The following LAMB3 variants were observed in gnomAD, a reference collection of about 807,000 sequenced individuals.
The protein encoded by LAMB3 is laminin subunit beta 3.
LAMB3 carries 104 observed loss-of-function variants against 140.3 expected under a neutral mutation model. That is an observed-to-expected ratio of 0.74 (90% CI 0.63 to 0.87). The LOEUF (loss-of-function observed/expected upper bound fraction) is 0.87, where lower values mean the gene tolerates loss of function less well. LAMB3 is among the 40% of genes least tolerant of loss of function. LAMB3 has a pLI of 0.00. For synonymous variants in LAMB3, 592 were observed against 602.9 expected, an observed-to-expected ratio of 0.98 and a Z score of 0.26; for missense variants, 1,531 against 1,575.2, an observed-to-expected ratio of 0.97 and a Z score of 0.47.
intron 3 of LAMB3, among the ~76,000 whole-genome samples, chr1:209,647,054 A>G (rs1281282918): frequency 6.6e-6 from 1 of 152,260 alleles, no homozygotes; most frequent in African/African-American, 2.4e-5. Flanking sequence ...GCCTTGTCCC[A>G]ACCACAGACA....
chr1:209,618,054 T>C lies in LAMB3; in HGVS notation c.2910-6A>G. The C allele has an allele frequency of 6.2e-7, 1 of 1,613,938 alleles. No homozygotes were observed. The highest frequency in any genetic ancestry group is 8.5e-7 in the Non-Finnish European group (1 of 1,179,992). On this transcript the variant is annotated splice_polypyrimidine_tract_variant and splice_region_variant and intron_variant, in intron 19 of 22. Coordinates refer to ENST00000356082, the MANE Select transcript of LAMB3 (RefSeq NM_000228.3). ...CCACTGCATGGGCTCGGCTCCTGGG[T>C]GAGAGAAGCAGCAGGGAGAGGAGAG...
intron 14 of LAMB3, among the ~76,000 whole-genome samples, chr1:209,625,314 C>A (rs770500378): frequency 6.6e-6 from 1 of 152,148 alleles, no homozygotes. Flanking sequence ...GGATGCCCTC[C>A]GCCAGGGTGA....
At chr1:209,633,612 C>T (rs1427026714) in intron 6 of LAMB3, among the ~76,000 whole-genome samples, 2 of 151,786 alleles carry the variant, frequency 1.3e-5, no homozygotes, top group Non-Finnish European at 2.9e-5. Flanking sequence ...AGAGTTTTCA[C>T]ATCAGCCCTC....
intron 18 of LAMB3, 144 bp from the exon 19 acceptor site, chr1:209,618,803 A>G: frequency 1.3e-6 from 1 of 752,434 alleles, no homozygotes; most frequent in Admixed American, 2.0e-5. Flanking sequence ...CCCCCTTTCA[A>G]CCAGACTCAG....
chr1:209,631,438 C>T (rs746943434), intron 8 of LAMB3, among the ~76,000 whole-genome samples: 4 of 152,218 alleles, frequency 2.6e-5, no homozygotes, highest in Non-Finnish European at 4.4e-5. Context: ...ATCCTGCCAG[C>T]TAGGCTCCAG....
At position 209,626,992 on chromosome 1, in the gene LAMB3, G is replaced by C. The variant is rs762285889; in HGVS notation, c.1486-14C>G. ...CTGCCCTGTGAACTGCGTGGGGAGA[G>C]CACCGTCAGTGGACCCTGCCTCACA... On this transcript the variant is annotated splice_polypyrimidine_tract_variant and intron_variant, in intron 12 of 22. Coordinates refer to ENST00000356082, the MANE Select transcript of LAMB3 (RefSeq NM_000228.3). The C allele has an allele frequency of 6.3e-7, 1 of 1,578,956 alleles. No individual in the cohort carries two copies.
chr1:209,634,314 G>A (rs1319662603), intron 6 of LAMB3, 133 bp downstream of exon 6: 2 of 886,180 alleles, frequency 2.3e-6, no homozygotes, highest in Non-Finnish European at 3.8e-6. Flanking sequence ...TTACTGGTGG[G>A]AATTCAGGAA....
rs1390138089 is a variant in LAMB3, at chr1:209,628,178, T to C, written c.1145A>G (p.Asp382Gly). The C allele has an allele frequency of 6.4e-7, 1 of 1,559,832 alleles. No homozygotes were observed. Among genetic ancestry groups the C allele is most frequent in the Non-Finnish European group, 8.7e-7 (1 of 1,151,468 alleles). ...AGCCCCTGGCACTGCCCCATCCGGA[T>C]CACACTCGCAGGCTGAGAGACAACA... ...IQETCISCEC[D>G]PDGAVPGAPC... Residue 382 changes from aspartate to glycine, a missense_variant, in exon 11 of 23, where the codon GAT becomes GGT. Asp to Gly is a moderately conservative substitution (Grantham distance 94, BLOSUM62 -1). Transcript: ENST00000356082.
At chr1:209,635,566 C>G (rs532726564) in intron 5 of LAMB3, among the ~76,000 whole-genome samples, 2 of 152,264 alleles carry the variant, frequency 1.3e-5, no homozygotes, top group South Asian at 4.2e-4. Context: ...CCATGCCCTG[C>G]TAATTTTTGT....
At chr1:209,626,818 C>T (rs765270870) in intron 13 of LAMB3, 49 bp downstream of exon 13, 27 of 1,411,076 alleles carry the variant, frequency 1.9e-5, no homozygotes, top group South Asian at 7.0e-5. Context: ...TGCCCACCCG[C>T]GTGCTCGGCC....
chr1:209,643,655 C>CT (rs1279153395), intron 3 of LAMB3, among the ~76,000 whole-genome samples: 2 of 152,302 alleles, frequency 1.3e-5, no homozygotes, highest in Non-Finnish European at 2.9e-5. Flanking sequence ...AACTCTGAGC[C>CT]TTTGTAAAAC....
rs775230173 is a variant in LAMB3, at chr1:209,625,590, G to A, written c.1976+58C>T. The A allele has an allele frequency of 2.0e-4, 313 of 1,599,966 alleles. 1 individual carries two copies. Among genetic ancestry groups the A allele is most frequent in the Non-Finnish European group, 2.5e-4 (295 of 1,167,500 alleles). ...AATGTAAGGAAGGACCAGCATGCCC[G>A]GTACTGGAACCCCTGGAGCATAATT... On this transcript the variant is annotated intron_variant, in intron 14 of 22. Coordinates refer to ENST00000356082, the MANE Select transcript of LAMB3 (RefSeq NM_000228.3).
chr1:209,625,563 C>G, intron 14 of LAMB3, 85 bp downstream of exon 14: 1 of 1,525,240 alleles, frequency 6.6e-7, no homozygotes, highest in East Asian at 2.2e-5. Context: ...ATGCACTGTA[C>G]AAATGTAAGG....
intron 22 of LAMB3, 35 bp from the exon 23 acceptor site, chr1:209,615,442 T>C (rs952689822): frequency 1.3e-6 from 2 of 1,563,960 alleles, no homozygotes; most frequent in African/African-American, 2.7e-5. Flanking sequence ...GAGGAGGAGT[T>C]GATGGTGAGA....
At chr1:209,615,838 C>T (rs769359128) in intron 22 of LAMB3, among the ~76,000 whole-genome samples, 20 of 152,098 alleles carry the variant, frequency 1.3e-4, no homozygotes, top group African/African-American at 3.6e-4. Context: ...TGTGCCCTAC[C>T]GCCTCCTGAG....
chr1:209,627,088 T>C (rs901819386), intron 12 of LAMB3, 110 bp from the exon 13 acceptor site: 7 of 845,910 alleles, frequency 8.3e-6, no homozygotes, highest in African/African-American at 6.7e-5. Context: ...CCAGGGCTCA[T>C]GGCCACCTCC....
intron 14 of LAMB3, among the ~76,000 whole-genome samples, 171 bp from the exon 15 acceptor site, chr1:209,624,171 C>T (rs977162259): frequency 2.6e-5 from 4 of 152,178 alleles, no homozygotes; most frequent in South Asian, 2.1e-4. Context: ...AGAGGCTTGG[C>T]GACCAGCACA....
At position 209,625,837 on chromosome 1, in the gene LAMB3, G is replaced by A. The variant is rs370897270; in HGVS notation, c.1787C>T (p.Ala596Val). Residue 596 changes from alanine (A) to valine (V), a missense_variant, in exon 14 of 23, where the codon GCC (alanine) becomes GTC (valine). Transcript: ENST00000356082. ...QTYDADLREQ[A>V]LRFGRLRNAT... The stretch of plus-strand genomic sequence containing the variant: ...ATTGCGGAGTCTACCAAAGCGCAGG[G>A]CCTGCTCCCGGAGGTCCGCATCATA... 83 of 1,613,968 alleles carry A rather than the reference G, an allele frequency of 5.1e-5. No individual in the cohort carries two copies. The highest frequency in any genetic ancestry group is 6.4e-5 in the Non-Finnish European group (75 of 1,180,006).
intron 13 of LAMB3, 122 bp from the exon 14 acceptor site, chr1:209,626,148 G>A: frequency 1.9e-6 from 2 of 1,077,948 alleles, no homozygotes; most frequent in Non-Finnish European, 2.6e-6. Context: ...AATAACAGAA[G>A]TCGCAGCCAG....
Sources: allele counts gnomAD v4.1 joint callset (sites outside exome capture counted in the v4.1 genomes callset), GRCh38; gene constraint gnomAD v4.1.1; transcripts MANE v1.5; gene names NCBI Gene and HGNC (gene_info 2026-07-23, HGNC 2026-07-21).